The following MYZAP variants were observed in gnomAD, a reference collection of about 807,000 sequenced individuals.
MYZAP encodes the protein myocardial zonula adherens protein.
In MYZAP, 66 loss-of-function variants were observed where a neutral mutation model predicts 69.4. The observed-to-expected ratio is 0.95, with a 90% CI of 0.78 to 1.17. The LOEUF is 1.17. Ranked by LOEUF, MYZAP falls within the 50% of genes most tolerant of loss-of-function variation. The pLI, the probability that MYZAP is intolerant of heterozygous loss-of-function variation, is 0.00. For synonymous variants in MYZAP, 256 were observed against 205.9 expected, an observed-to-expected ratio of 1.24 and a Z score of -2.09; for missense variants, 611 against 556.2, an observed-to-expected ratio of 1.10 and a Z score of -0.99.
intron 2 of MYZAP, among the ~76,000 whole-genome samples, chr15:57,605,034 A>G (rs1250129903): frequency 1.3e-5 from 2 of 152,138 alleles, no homozygotes; most frequent in East Asian, 1.9e-4. Flanking sequence ...GTGACAGTGA[A>G]GTTGGAGGCT....
chr15:57,662,060 T>G (rs2038338912), intron 11 of MYZAP, among the ~76,000 whole-genome samples: 1 of 152,156 alleles, frequency 6.6e-6, no homozygotes, highest in Admixed American at 6.6e-5. Context: ...AGTGAAGATG[T>G]GTTAGAGGGG....
At chr15:57,639,609 A>G (rs1359026414) in intron 10 of MYZAP, 64 bp downstream of exon 10, 5 of 1,554,118 alleles carry the variant, frequency 3.2e-6, no homozygotes, top group African/African-American at 1.4e-5. Context: ...CATCCCCAGA[A>G]CAAGTCTGCC....
Position 57,661,502 on chromosome 15 carries a change from T to G in MYZAP, c.1172T>G (p.Leu391Arg). The change falls in exon 11 of 13, where the codon CTT becomes CGT. Residue 391 changes from leucine to arginine, a missense_variant. Leu to Arg is a moderately radical substitution (Grantham distance 102). Transcript: ENST00000267853. ...LQQKQLLILQLLEKISFLEGE... is the reference protein window; with the variant it reads ...LQQKQLLILQRLEKISFLEGE... ...CAGAAACAGCTCTTAATACTGCAGC[T>G]TTTAGAAAAGATATCTTTCTTAGAA... 6.2e-7 allele frequency: 1 copy of G among 1,610,468 alleles called. No individual in the cohort carries two copies. The highest frequency in any genetic ancestry group is 2.2e-5 in the East Asian group (1 of 44,810).
At chr15:57,615,397 C>T (rs2035370525) in intron 2 of MYZAP, among the ~76,000 whole-genome samples, 2 of 152,174 alleles carry the variant, frequency 1.3e-5, no homozygotes, top group South Asian at 4.1e-4. Context: ...GGGAGTGTTC[C>T]ACAGACTTCA....
At chr15:57,669,391 A>C (rs575269877) in intron 11 of MYZAP, among the ~76,000 whole-genome samples, 2 of 152,198 alleles carry the variant, frequency 1.3e-5, no homozygotes, top group South Asian at 4.2e-4. Flanking sequence ...GTGTGAAGCA[A>C]AGGTATCAAT....
chr15:57,607,068 C>T (rs985027561), intron 2 of MYZAP, among the ~76,000 whole-genome samples: 1 of 152,198 alleles, frequency 6.6e-6, no homozygotes, highest in Non-Finnish European at 1.5e-5. Flanking sequence ...ATGGCTTGGT[C>T]CAAGACATGG....
chr15:57,634,333 A>C (rs1420616190), intron 8 of MYZAP, among the ~76,000 whole-genome samples: 1 of 152,146 alleles, frequency 6.6e-6, no homozygotes, highest in Non-Finnish European at 1.5e-5. Flanking sequence ...AAGGAAGAGA[A>C]GGAAGAGAAA....
In MYZAP at chr15:57,646,871, T is replaced by G. The variant is rs538264741; in HGVS notation, c.1119+7326T>G. 9.1e-6 allele frequency: 9 copies of G among 985,442 alleles called. No individual in the cohort carries two copies. The African/African-American group carries it at 1.2e-4, about 13-fold the overall frequency. 61.0% of individuals were successfully genotyped at this position (985,442 alleles called of 1,614,324 possible). A position where few individuals can be genotyped will look rare whatever the true frequency, so the allele number is the denominator to read the frequency against. Reference sequence around the variant, plus strand: ...TAAAGAGAAATCTATCTGGCTGAAATATGTTGAACTGAAACATCCTTCATG... The same window carrying G: ...TAAAGAGAAATCTATCTGGCTGAAAGATGTTGAACTGAAACATCCTTCATG... On this transcript the variant is annotated intron_variant, in intron 10 of 12. Transcript: ENST00000267853.
chr15:57,596,787 C>A (rs957029492), intron 1 of MYZAP, among the ~76,000 whole-genome samples: 1 of 152,182 alleles, frequency 6.6e-6, no homozygotes, highest in Non-Finnish European at 1.5e-5. Context: ...GCTTTCGATG[C>A]CGTTCCTTGC....
At chr15:57,665,346 T>C (rs1193422537) in intron 11 of MYZAP, among the ~76,000 whole-genome samples, 3 of 152,372 alleles carry the variant, frequency 2.0e-5, no homozygotes, top group South Asian at 2.1e-4. Context: ...GCAGAATTCA[T>C]AGGAGTTTGG....
chr15:57,647,975 G>C (rs781545576), intron 10 of MYZAP: 110 of 985,164 alleles, frequency 1.1e-4, no homozygotes, highest in Non-Finnish European at 1.3e-4. Context: ...CCTTAGCCTT[G>C]GACTCCAAGG....
At chr15:57,647,690 T>C in intron 10 of MYZAP, 1 of 985,394 alleles carries the variant, frequency 1.0e-6, no homozygotes, top group Non-Finnish European at 1.2e-6. Flanking sequence ...GAGTACTGCA[T>C]AGCCTGAGAG....
chr15:57,599,691 A>G (rs918367242), intron 1 of MYZAP: 153 of 1,288,754 alleles, frequency 1.2e-4, no homozygotes, highest in Non-Finnish European at 1.5e-4. Flanking sequence ...TCAGCCTCGT[A>G]AAATGCTCGG....
chr15:57,665,861 T>C (rs2038544016), intron 11 of MYZAP, among the ~76,000 whole-genome samples: 1 of 152,210 alleles, frequency 6.6e-6, no homozygotes, highest in African/African-American at 2.4e-5. Context: ...ATTAGTGTTA[T>C]GTAACTCTGC....
At position 57,632,562 on chromosome 15, in the gene MYZAP, G is replaced by A; in HGVS notation, c.804+3G>A. 1 of 1,613,902 alleles carries A rather than the reference G, an allele frequency of 6.2e-7. No homozygotes were observed. Among genetic ancestry groups the A allele is most frequent in the Non-Finnish European group, 8.5e-7 (1 of 1,179,926 alleles). On this transcript the variant is annotated splice_donor_region_variant and intron_variant, in intron 7 of 12. Coordinates refer to ENST00000267853, the MANE Select transcript of MYZAP (RefSeq NM_001018100.5). The stretch of plus-strand genomic sequence containing the variant: ...GTGCTGAGAAGGAGGCTCTTTTGGT[G>A]TGTGTGTTGTAGCTGCCGATGTAAA...
At chr15:57,680,093 G>A (rs1467239710) in intron 12 of MYZAP, among the ~76,000 whole-genome samples, 1 of 152,138 alleles carries the variant, frequency 6.6e-6, no homozygotes, top group Non-Finnish European at 1.5e-5. Context: ...AGAGGATTAA[G>A]GGAAGTAACA....
At chr15:57,629,601 T>C (rs2036373594) in intron 5 of MYZAP, 101 bp from the exon 6 acceptor site, 1 of 1,470,990 alleles carries the variant, frequency 6.8e-7, no homozygotes, top group East Asian at 2.3e-5. Context: ...CTAGGACAGC[T>C]ACCCCAGTGC....
chr15:57,645,317 CAG>C (rs2037386743), intron 10 of MYZAP, among the ~76,000 whole-genome samples: 1 of 152,122 alleles, frequency 6.6e-6, no homozygotes, highest in Non-Finnish European at 1.5e-5. Flanking sequence ...AAGAACTCTT[CAG>C]AGAGTTGAGA....
At chr15:57,599,507 G>A (rs1432599950) in intron 1 of MYZAP, 19 of 1,210,114 alleles carry the variant, frequency 1.6e-5, no homozygotes, top group Admixed American at 2.9e-5. Flanking sequence ...CAGCTGGTTC[G>A]GTAGCAGTGG....
Sources: allele counts gnomAD v4.1 joint callset (sites outside exome capture counted in the v4.1 genomes callset), GRCh38; gene constraint gnomAD v4.1.1; transcripts MANE v1.5; gene names NCBI Gene and HGNC (gene_info 2026-07-23, HGNC 2026-07-21).